AK4: variants seen among roughly 807,000 people sequenced by gnomAD.
AK4 encodes adenylate kinase 4.
Under a neutral mutation model 24.6 loss-of-function variants are expected in AK4, and 13 were observed. The ratio of observed to expected loss-of-function variants is 0.53; its 90% CI spans 0.34 to 0.84. The LOEUF (loss-of-function observed/expected upper bound fraction) is 0.84, where lower values mean the gene tolerates loss of function less well. Ranked by LOEUF, AK4 falls within the 40% of genes least tolerant of loss-of-function variation. AK4 has a pLI of 0.01. For missense variants in AK4, 192 were observed against 288.2 expected, an observed-to-expected ratio of 0.67 and a Z score of 2.42; for synonymous variants, 88 against 107.0, an observed-to-expected ratio of 0.82 and a Z score of 1.10.
chr1:65,216,336 C>A (rs1237658786), intron 2 of AK4, among the ~76,000 whole-genome samples: 2 of 152,028 alleles, frequency 1.3e-5, no homozygotes, highest in African/African-American at 4.8e-5. Context: ...TTTTGCCAGG[C>A]TGGTCTCGAA....
At chr1:65,198,467 C>T (rs1211822356) in intron 2 of AK4, among the ~76,000 whole-genome samples, 2 of 152,128 alleles carry the variant, frequency 1.3e-5, no homozygotes, top group African/African-American at 4.8e-5. Context: ...TAACTTTGCA[C>T]TAGGCTGGTG....
intron 1 of AK4, among the ~76,000 whole-genome samples, chr1:65,180,327 G>A (rs1384239417): frequency 2.6e-5 from 4 of 152,096 alleles, no homozygotes; most frequent in African/African-American, 9.7e-5. Flanking sequence ...ATGCACCTGT[G>A]TTCCCAGCTA....
intron 1 of AK4, 75 bp downstream of exon 1, chr1:65,148,627 C>T (rs1408030660): frequency 1.3e-5 from 19 of 1,440,286 alleles, no homozygotes; most frequent in Admixed American, 2.6e-5. Context: ...GACTGGGGCT[C>T]CCGGATCACG....
chr1:65,187,156 G>A (rs1362311663), intron 1 of AK4, among the ~76,000 whole-genome samples: 1 of 151,804 alleles, frequency 6.6e-6, no homozygotes, highest in African/African-American at 2.4e-5. Context: ...TCAGGAGATC[G>A]AGACCACGGT....
intron 1 of AK4, among the ~76,000 whole-genome samples, chr1:65,170,387 CAA>C (rs141885156): frequency 6.1e-5 from 9 of 147,088 alleles, no homozygotes; most frequent in South Asian, 2.1e-4. Context: ...CACACACACA[CAA>C]AAAAAATCAG....
At position 65,227,987 on chromosome 1, in the gene AK4, GTCAGTGCAT is replaced by G. The variant is rs1181263089; in HGVS notation, c.*1812_*1820del. On this transcript the variant is annotated 3_prime_UTR_variant, in exon 5 of 5. Transcript: ENST00000327299. ...GAAAATGCCCAGTCAGGTCTGAATC[GTCAGTGCAT>G]TATATTGACTCTGAGCACTTTAGAA... 2 of 144,172 alleles carry G rather than the reference GTCAGTGCAT, an allele frequency of 1.4e-5. No homozygotes were observed. Among genetic ancestry groups the G allele is most frequent in the Non-Finnish European group, 3.0e-5 (2 of 66,442 alleles). 8.9% of individuals were successfully genotyped at this position (144,172 alleles called of 1,614,324 possible).
Position 65,218,808 on chromosome 1 carries a change from A to T in AK4, c.320A>T (p.Asp107Val). Residue 107 changes from aspartate to valine, a missense_variant, in exon 3 of 5, where the codon GAT (aspartate) becomes GTT (valine). Coordinates refer to ENST00000327299, the MANE Select transcript of AK4 (RefSeq NM_013410.4). ...GCCCTGGACAAAATCTGTGAAGTGG[A>T]TCTAGTGATCAGTTTGAATATTCCA... ...AEALDKICEV[D>V]LVISLNIPFE... 1.2e-6 allele frequency: 2 copies of T among 1,600,106 alleles called. No homozygotes were observed. The highest frequency in any genetic ancestry group is 1.7e-6 in the Non-Finnish European group (2 of 1,174,796).
chr1:65,197,672 T>C (rs1020389041), intron 2 of AK4, among the ~76,000 whole-genome samples: 1 of 152,232 alleles, frequency 6.6e-6, no homozygotes, highest in Non-Finnish European at 1.5e-5. Context: ...GGCTACGCAC[T>C]CACTTAGAGC....
At chr1:65,194,267 C>T (rs1182933700) in intron 2 of AK4, among the ~76,000 whole-genome samples, 1 of 152,220 alleles carries the variant, frequency 6.6e-6, no homozygotes, top group Non-Finnish European at 1.5e-5. Context: ...CACCACATAT[C>T]CTAGTTCATT....
In AK4 at chr1:65,226,216, A is replaced by G. The variant is rs1652457526; in HGVS notation, c.*39A>G. 2 of 1,516,110 alleles carry G rather than the reference A, an allele frequency of 1.3e-6. No homozygotes were observed. The highest frequency in any genetic ancestry group is 9.0e-7 in the Non-Finnish European group (1 of 1,112,996). 93.9% of individuals were successfully genotyped at this position (1,516,110 alleles called of 1,614,324 possible). ...AAGAACCAGGAAGATGTGGTCATTC[A>G]TTCAATAGTGTGTGTAGTATTGGTG... On this transcript the variant is annotated 3_prime_UTR_variant, in exon 5 of 5. Transcript: ENST00000327299.
intron 2 of AK4, among the ~76,000 whole-genome samples, chr1:65,214,037 A>G (rs768206627): frequency 3.3e-5 from 5 of 152,212 alleles, no homozygotes; most frequent in Non-Finnish European, 7.3e-5. Context: ...TATAGCTTCC[A>G]GGATTGTTTA....
intron 2 of AK4, among the ~76,000 whole-genome samples, chr1:65,202,559 ATAAAG>A (rs1250195434): frequency 2.0e-5 from 3 of 152,146 alleles, no homozygotes; most frequent in Non-Finnish European, 4.4e-5. Context: ...TTAGAAGTTG[ATAAAG>A]TAAGGTACAG....
intron 1 of AK4, among the ~76,000 whole-genome samples, chr1:65,179,400 TG>T (rs1212974055): frequency 6.6e-6 from 1 of 152,228 alleles, no homozygotes; most frequent in Non-Finnish European, 1.5e-5. Context: ...AAGTTGAGTC[TG>T]GGCTGTATGA....
Position 65,227,317 on chromosome 1 carries a change from G to A in AK4, c.*1140G>A, listed in dbSNP as rs1017615030. The A allele has an allele frequency of 6.7e-6, 1 of 150,298 alleles. No individual in the cohort carries two copies. The highest frequency in any genetic ancestry group is 1.5e-5 in the Non-Finnish European group (1 of 67,518). 9.3% of individuals were successfully genotyped at this position (150,298 alleles called of 1,614,324 possible). The stretch of plus-strand genomic sequence containing the variant: ...GGAATGGAGCCTGTGGGGTTGAGCA[G>A]AATGTTGTACTAGCTGTGCCTGGAC... On this transcript the variant is annotated 3_prime_UTR_variant, in exon 5 of 5. Transcript: ENST00000327299.
At chr1:65,167,639 T>G (rs1306168096) in intron 1 of AK4, among the ~76,000 whole-genome samples, 1 of 152,232 alleles carries the variant, frequency 6.6e-6, no homozygotes, top group African/African-American at 2.4e-5. Flanking sequence ...AATGTGTTAA[T>G]TTTAATGATT....
chr1:65,175,649 C>T (rs2101017233), intron 1 of AK4, among the ~76,000 whole-genome samples: 1 of 152,256 alleles, frequency 6.6e-6, no homozygotes, highest in Non-Finnish European at 1.5e-5. Context: ...ATGGTTTTTA[C>T]AGAGTAAGAA....
intron 1 of AK4, among the ~76,000 whole-genome samples, chr1:65,159,484 C>G (rs929576702): frequency 6.6e-6 from 1 of 151,722 alleles, no homozygotes; most frequent in Non-Finnish European, 1.5e-5. Context: ...TGGCAAGACC[C>G]TGTCTCTACA....
chr1:65,200,539 ATCT>A (rs971818806), intron 2 of AK4, among the ~76,000 whole-genome samples: 14 of 152,228 alleles, frequency 9.2e-5, no homozygotes, highest in African/African-American at 3.4e-4. Context: ...GCACACTGCC[ATCT>A]TCTTACACAC....
chr1:65,227,016 A>G lies in AK4; in HGVS notation c.*839A>G, dbSNP rs987833389. On this transcript the variant is annotated 3_prime_UTR_variant, in exon 5 of 5. Coordinates refer to ENST00000327299, the MANE Select transcript of AK4 (RefSeq NM_013410.4). ...GACACTGTTCCTTTCTTTTATTGTGAAAAAAAAAAAAAACCCTGAAAGTCT... is the reference window on the plus strand; with the variant it reads ...GACACTGTTCCTTTCTTTTATTGTGGAAAAAAAAAAAAACCCTGAAAGTCT... 7.8e-5 allele frequency: 2 copies of G among 25,754 alleles called. No homozygotes were observed. The highest frequency in any genetic ancestry group is 1.3e-4 in the Non-Finnish European group (2 of 15,914). The allele number at this position is 25,754 out of a possible 1,614,324, so 1.6% of individuals were successfully genotyped here. A position where few individuals can be genotyped will look rare whatever the true frequency, so the allele number is the denominator to read the frequency against.
Sources: allele counts gnomAD v4.1 joint callset (sites outside exome capture counted in the v4.1 genomes callset), GRCh38; gene constraint gnomAD v4.1.1; transcripts MANE v1.5; gene names NCBI Gene and HGNC (gene_info 2026-07-23, HGNC 2026-07-21).